The following TTC6 variants were observed in gnomAD, a reference collection of about 807,000 sequenced individuals.
TTC6 encodes tetratricopeptide repeat domain 6, also known as tetratricopeptide repeat protein 6.
A neutral mutation model predicts 210.4 loss-of-function variants in TTC6; 172 were observed. That is an observed-to-expected ratio of 0.82 (90% confidence interval 0.72 to 0.93). The LOEUF (loss-of-function observed/expected upper bound fraction) is 0.93. Among genes scored for constraint, TTC6 ranks in the 40% least tolerant of loss-of-function variants. The probability of loss-of-function intolerance (pLI) is 0.00; values close to 1 mark genes in which losing one functional copy is unlikely to be tolerated. For synonymous variants in TTC6, 804 were observed against 819.6 expected, an observed-to-expected ratio of 0.98 and a Z score of 0.32; for missense variants, 2,414 against 2,318.1, an observed-to-expected ratio of 1.04 and a Z score of -0.85.
At chr14:37,789,609 T>TATAC (rs2096074942) in intron 15 of TTC6, among the ~76,000 whole-genome samples, 1 of 147,104 alleles carries the variant, frequency 6.8e-6, no homozygotes, top group African/African-American at 2.5e-5. Flanking sequence ...TATATATATA[T>TATAC]ATATATATTG....
intron 14 of TTC6, among the ~76,000 whole-genome samples, chr14:37,756,489 A>G (rs2095968200): frequency 6.6e-6 from 1 of 152,228 alleles, no homozygotes. Context: ...TGGGTTTGTC[A>G]TAAATAGTTC....
At chr14:37,782,107 C>T (rs1008580347) in intron 14 of TTC6, among the ~76,000 whole-genome samples, 12 of 152,032 alleles carry the variant, frequency 7.9e-5, no homozygotes, top group South Asian at 4.1e-4. Flanking sequence ...CTTGGCAATG[C>T]GGGCTCTCTT....
Position 37,682,874 on chromosome 14 carries a change from G to A in TTC6, c.1167G>A (p.Ser389=), listed in dbSNP as rs183722414. The A allele has an allele frequency of 3.3e-3, 5,009 of 1,535,616 alleles. 12 individuals are homozygous for A. Among genetic ancestry groups the A allele is most frequent in the Non-Finnish European group, 4.0e-3 (4,639 of 1,146,578 alleles). ...TAGTATTTAAACCTCAGGAAATTTC[G>A]CAAGTTCAGCCAGCAGAGGAATTAA... is the stretch of plus-strand genomic sequence containing the variant. Residue 389 remains serine (S), a synonymous_variant, in exon 3 of 31, where the codon TCG becomes TCA. Transcript: ENST00000553443.
At chr14:37,622,332 C>G (rs945620877) in exon 1 of TTC6, 2 of 1,532,942 alleles carry the variant, frequency 1.3e-6, no homozygotes, top group Admixed American at 3.9e-5. Flanking sequence ...GGCCGCCCTC[C>G]TGCAGGAGGT....
chr14:37,840,869 A>ATTT (rs71127249), intron 29 of TTC6, among the ~76,000 whole-genome samples: 2 of 137,618 alleles, frequency 1.5e-5, no homozygotes, highest in African/African-American at 2.7e-5. Flanking sequence ...CAGTGGGAGG[A>ATTT]TTTTTTTTTT....
At chr14:37,709,692 TAAAA>T (rs10585657) in intron 5 of TTC6, among the ~76,000 whole-genome samples, 20 of 126,424 alleles carry the variant, frequency 1.6e-4, no homozygotes, top group East Asian at 2.3e-4. Flanking sequence ...TCATGTTTTG[TAAAA>T]AAAAAAAAAA....
chr14:37,606,019 G>A (rs1213795209), intron 1 of TTC6, among the ~76,000 whole-genome samples: 1 of 151,984 alleles, frequency 6.6e-6, no homozygotes, highest in African/African-American at 2.4e-5. Flanking sequence ...GACTTCCCAG[G>A]GGTCCATTTC....
In TTC6 at chr14:37,682,738, A is replaced by AT; in HGVS notation, c.1051-20_1051-19insT. ...ACCAATAAAAAAAAAGCATTCTTGC[A>AT]CATTTACTTTTTCCAACAGAGCGTG... is the stretch of plus-strand genomic sequence containing the variant. On this transcript the variant is annotated intron_variant, in intron 2 of 30. Transcript: ENST00000553443. The AT allele has an allele frequency of 6.5e-7, 1 of 1,531,950 alleles. No individual in the cohort carries two copies. Among genetic ancestry groups the AT allele is most frequent in the East Asian group, 2.4e-5 (1 of 40,876 alleles). 94.9% of individuals were successfully genotyped at this position (1,531,950 alleles called of 1,614,324 possible).
intron 10 of TTC6, among the ~76,000 whole-genome samples, chr14:37,746,662 G>A (rs2095937010): frequency 6.6e-6 from 1 of 152,170 alleles, no homozygotes; most frequent in Non-Finnish European, 1.5e-5. Context: ...GAGGAGATAT[G>A]TGGGAGGCTG....
intron 20 of TTC6, among the ~76,000 whole-genome samples, chr14:37,801,746 T>G (rs922598704): frequency 6.6e-6 from 1 of 152,138 alleles, no homozygotes; most frequent in African/African-American, 2.4e-5. Flanking sequence ...TGGTGATTAT[T>G]AAAAAGTAAA....
chr14:37,715,597 A>G (rs1951651), intron 6 of TTC6, among the ~76,000 whole-genome samples: 151,742 of 152,250 alleles, frequency 1, 75,623 homozygotes, highest in Middle Eastern at 1. Context: ...AGAAAGCAAC[A>G]AAAAAGAAAC....
chr14:37,681,966 TG>T lies in TTC6; in HGVS notation c.1051-790del, dbSNP rs1423760212. On this transcript the variant is annotated intron_variant, in intron 2 of 30. Coordinates refer to ENST00000553443, the Ensembl canonical transcript of TTC6. ...TTAGATGGGGTCATGTAGCTGTTTG[TG>T]GCCAATGGGGTGTGAAGGAAAGTGA... is the stretch of plus-strand genomic sequence containing the variant. Among the ~76,000 whole-genome samples, 4 of 152,218 alleles carry T rather than the reference TG, an allele frequency of 2.6e-5. No homozygotes were observed. The East Asian group carries it at 7.7e-4, about 29-fold the overall frequency.
chr14:37,597,600 G>A (rs986557230), intron 1 of TTC6, among the ~76,000 whole-genome samples: 2 of 152,024 alleles, frequency 1.3e-5, no homozygotes, highest in Non-Finnish European at 2.9e-5. Context: ...CGTGATGGCC[G>A]AAGCGGAATT....
At chr14:37,797,998 T>A (rs1159983786) in intron 20 of TTC6, among the ~76,000 whole-genome samples, 2 of 152,166 alleles carry the variant, frequency 1.3e-5, no homozygotes, top group African/African-American at 2.4e-5. Context: ...CTCTGTTCTG[T>A]TCCTTTGGTC....
At chr14:37,597,464 T>G (rs1315295476) in intron 1 of TTC6, among the ~76,000 whole-genome samples, 3 of 151,940 alleles carry the variant, frequency 2.0e-5, no homozygotes, top group African/African-American at 7.3e-5. Flanking sequence ...GGAAAAACAC[T>G]GTCACCTTAA....
rs78042024 is a variant in TTC6 at position 37,714,723 on chromosome 14, G to A, written c.1640G>A (p.Gly547Glu). The A allele has an allele frequency of 1.5e-3, 2,275 of 1,535,632 alleles. 31 individuals are homozygous for A. In the East Asian group the frequency reaches 0.036, roughly 24 times the overall value. Residue 547 changes from glycine (G) to glutamate (E), a missense_variant, in exon 6 of 31, where the codon GGG (glycine) becomes GAG (glutamate). By Grantham distance (98) the Gly-to-Glu change is moderately conservative. Coordinates refer to ENST00000553443, the Ensembl canonical transcript of TTC6. ...GTCCATATTCCTCCGACACCGCAAG[G>A]GATACCACCTGAATTGGCACAAGGA...
At chr14:37,617,171 G>A (rs1437139641), upstream of TTC6, among the ~76,000 whole-genome samples, 1 of 152,148 alleles carries the variant, frequency 6.6e-6, no homozygotes, top group Admixed American at 6.5e-5. Context: ...CACTGCACCT[G>A]GCCACATTTT....
chr14:37,687,531 C>T (rs776730399), intron 3 of TTC6, among the ~76,000 whole-genome samples: 2 of 152,144 alleles, frequency 1.3e-5, no homozygotes, highest in African/African-American at 4.8e-5. Context: ...TAACTCCTCC[C>T]CTAACCCCAG....
intron 3 of TTC6, among the ~76,000 whole-genome samples, chr14:37,684,599 T>C (rs1453663386): frequency 1.3e-5 from 2 of 152,192 alleles, no homozygotes; most frequent in Non-Finnish European, 2.9e-5. Flanking sequence ...TATTATGCCT[T>C]ATTGTTGTGG....
Sources: gnomAD v4.1 joint callset for allele counts (sites outside exome capture counted in the v4.1 genomes callset) on GRCh38, gnomAD v4.1.1 for gene constraint, MANE v1.5 for transcripts, NCBI Gene and HGNC (gene_info 2026-07-23, HGNC 2026-07-21) for gene names.